ACBD6: variants seen among roughly 807,000 people sequenced by gnomAD.
ACBD6 encodes the protein acyl-CoA-binding domain-containing protein 6.
In ACBD6, 28 loss-of-function variants were observed where a neutral mutation model predicts 37.2. The ratio of observed to expected loss-of-function variants is 0.75; its 90% CI spans 0.56 to 1.03. ACBD6 has a LOEUF of 1.03. ACBD6 is among the 50% of genes least tolerant of loss of function. The pLI is 0.00. For synonymous variants in ACBD6, 113 were observed against 126.8 expected (o/e 0.89, Z 0.73); for missense variants, 340 against 337.4 (o/e 1.01, Z -0.06).
chr1:180,501,649 T>C (rs72716637), intron 1 of ACBD6, among the ~76,000 whole-genome samples: 8,054 of 152,254 alleles, frequency 0.053, 259 homozygotes, highest in South Asian at 0.089. Flanking sequence ...CTATTATCTT[T>C]TTGGATCTCT....
At chr1:180,320,559 A>C (rs1291345369) in intron 6 of ACBD6, among the ~76,000 whole-genome samples, 1 of 152,142 alleles carries the variant, frequency 6.6e-6, no homozygotes, top group Non-Finnish European at 1.5e-5. Context: ...GAAATGCTTG[A>C]ATCTGGGAGG....
chr1:180,458,265 G>A (rs1331004739), intron 3 of ACBD6, among the ~76,000 whole-genome samples: 2 of 152,144 alleles, frequency 1.3e-5, no homozygotes, highest in Non-Finnish European at 2.9e-5. Flanking sequence ...AAGCACACAT[G>A]CCATATTATG....
rs555461860 is a variant in ACBD6, at chr1:180,324,860, T to C, written c.664-10138A>G. Among the ~76,000 whole-genome samples the C allele has an allele frequency of 2.0e-5, 3 of 152,298 alleles. No homozygotes were observed. The South Asian group carries it at 6.2e-4, about 32-fold the overall frequency. ...ATGCTTGAAGGATATTTTCACAAGATACACTGTTCTAGGGTAAATTTTTTT... is the reference window on the plus strand; with the variant it reads ...ATGCTTGAAGGATATTTTCACAAGACACACTGTTCTAGGGTAAATTTTTTT... On this transcript the variant is annotated intron_variant, in intron 6 of 7. Coordinates refer to ENST00000367595, the MANE Select transcript of ACBD6 (RefSeq NM_032360.4).
intron 6 of ACBD6, among the ~76,000 whole-genome samples, chr1:180,316,769 C>T (rs1650830266): frequency 6.6e-6 from 1 of 152,108 alleles, no homozygotes; most frequent in African/African-American, 2.4e-5. Flanking sequence ...GTTCTAGGCA[C>T]TGGAAACAAT....
chr1:180,364,734 A>ATT lies in ACBD6; in HGVS notation c.663+32781_663+32782insAA, dbSNP rs1426493483. On this transcript the variant is annotated intron_variant, in intron 6 of 7. Transcript: ENST00000367595. ...CCAGATGATCTTTAAATTCCTTTCT[A>ATT]TCTTTTTTTTTTTTTTTGAGATGGA... is the stretch of plus-strand genomic sequence containing the variant. Among the ~76,000 whole-genome samples the ATT allele has an allele frequency of 9.1e-4, 82 of 89,816 alleles. 1 individual carries two copies. Among genetic ancestry groups the ATT allele is most frequent in the African/African-American group, 3.3e-3 (79 of 24,230 alleles). The allele number at this position is 89,816 out of a possible 152,430, so 58.9% of individuals were successfully genotyped here.
intron 6 of ACBD6, among the ~76,000 whole-genome samples, chr1:180,343,994 G>C (rs1379736882): frequency 6.6e-6 from 1 of 152,154 alleles, no homozygotes; most frequent in Non-Finnish European, 1.5e-5. Context: ...GCCCAGAGTA[G>C]GGAAAAAGTG....
chr1:180,364,934 C>T lies in ACBD6; in HGVS notation c.663+32582G>A, dbSNP rs561336597. On this transcript the variant is annotated intron_variant, in intron 6 of 7. Transcript: ENST00000367595. ...AGTTTTAATAGAGACAGGGTTTCGC[C>T]GTGTTAGCTAGGATGGTCTCAATCT... 6.1e-4 allele frequency among the ~76,000 whole-genome samples: 93 copies of T among 152,128 alleles called. 1 individual carries two copies. Among genetic ancestry groups the T allele is most frequent in the Non-Finnish European group, 5.3e-4 (36 of 67,998 alleles).
exon 14 of ACBD6, chr1:180,270,741 T>C (rs971461114): frequency 1.3e-5 from 2 of 157,064 alleles, no homozygotes; most frequent in Non-Finnish European, 2.8e-5. Flanking sequence ...TTTAATGAAA[T>C]GATCTTGCCA....
intron 3 of ACBD6, chr1:180,435,497 C>T (rs1410374608): frequency 2.1e-5 from 12 of 575,366 alleles, no homozygotes; most frequent in African/African-American, 1.9e-4. Flanking sequence ...GTGATCCGCC[C>T]GCCTTGGCCT....
At chr1:180,340,571 G>A (rs1321034063) in intron 6 of ACBD6, among the ~76,000 whole-genome samples, 2 of 151,872 alleles carry the variant, frequency 1.3e-5, no homozygotes. Context: ...AGGGGCTAGA[G>A]GATAGCAGTA....
chr1:180,442,524 C>A lies in ACBD6; in HGVS notation c.385-12262G>T, dbSNP rs10913993. Among the ~76,000 whole-genome samples the A allele has an allele frequency of 7.0e-3, 1,073 of 152,212 alleles. 9 individuals are homozygous for A. The highest frequency in any genetic ancestry group is 0.024 in the African/African-American group (1,002 of 41,526). Reference sequence around the variant, plus strand: ...GTTTATGAACTATTTGAAATTTCAGCCATTATTAACTAAATTTTGTTTCTG... The same window carrying A: ...GTTTATGAACTATTTGAAATTTCAGACATTATTAACTAAATTTTGTTTCTG... On this transcript the variant is annotated intron_variant, in intron 3 of 7. Coordinates refer to ENST00000367595, the MANE Select transcript of ACBD6 (RefSeq NM_032360.4).
chr1:180,284,365 CT>C (rs774639942), downstream of ACBD6, among the ~76,000 whole-genome samples: 659 of 143,338 alleles, frequency 4.6e-3, 1 homozygote, highest in Admixed American at 4.5e-3. Flanking sequence ...GTATTAAGGT[CT>C]TTTTTTTTTT....
At chr1:180,271,717 C>A in exon 14 of ACBD6, 1 of 1,326,184 alleles carries the variant, frequency 7.5e-7, no homozygotes. Flanking sequence ...CATCGCACTC[C>A]CAGACCTGTG....
intron 6 of ACBD6, among the ~76,000 whole-genome samples, chr1:180,370,501 C>A (rs1653221607): frequency 6.6e-6 from 1 of 152,106 alleles, no homozygotes; most frequent in South Asian, 2.1e-4. Flanking sequence ...AAAGAACTTA[C>A]AATCCACTGG....
At chr1:180,433,412 T>C (rs961221034) in intron 3 of ACBD6, among the ~76,000 whole-genome samples, 9 of 152,210 alleles carry the variant, frequency 5.9e-5, no homozygotes, top group Non-Finnish European at 1.0e-4. Flanking sequence ...AGGCTATATA[T>C]GAAAAGGCCA....
chr1:180,388,112 C>A (rs546524815), intron 6 of ACBD6, among the ~76,000 whole-genome samples: 3 of 149,906 alleles, frequency 2.0e-5, no homozygotes, highest in African/African-American at 7.4e-5. Context: ...GGAGGCGGAG[C>A]TTGCAGTGAG....
At chr1:180,305,412 A>C (rs1650313586) in intron 7 of ACBD6, among the ~76,000 whole-genome samples, 2 of 152,306 alleles carry the variant, frequency 1.3e-5, no homozygotes, top group South Asian at 2.1e-4. Flanking sequence ...AAGAAAAAAA[A>C]CAAACAACCC....
rs1488543328 is a variant in ACBD6 at position 180,369,436 on chromosome 1, T to TAAA, written c.663+28079_663+28080insTTT. 3.5e-4 allele frequency among the ~76,000 whole-genome samples: 54 copies of TAAA among 152,260 alleles called. No homozygotes were observed. In the East Asian group the frequency reaches 8.3e-3, roughly 23 times the overall value. ...AGTCCACTGCATAACTGATGGAAGATGTGATTTTAAAAGTACTAAGCAGCT... is the reference window on the plus strand; with the variant it reads ...AGTCCACTGCATAACTGATGGAAGATAAAGTGATTTTAAAAGTACTAAGCAGCT... On this transcript the variant is annotated intron_variant, in intron 6 of 7. Coordinates refer to ENST00000367595, the MANE Select transcript of ACBD6 (RefSeq NM_032360.4).
chr1:180,389,884 T>C (rs1388381892), intron 6 of ACBD6, among the ~76,000 whole-genome samples: 5 of 152,198 alleles, frequency 3.3e-5, no homozygotes, highest in African/African-American at 4.8e-5. Flanking sequence ...TTGAGTTCAT[T>C]GTAGATTCTG....
Sources: gnomAD v4.1 joint callset for allele counts (sites outside exome capture counted in the v4.1 genomes callset) on GRCh38, gnomAD v4.1.1 for gene constraint, MANE v1.5 for transcripts, NCBI Gene and HGNC (gene_info 2026-07-23, HGNC 2026-07-21) for gene names.